OSBPL10: variants seen among roughly 807,000 people sequenced by gnomAD.
OSBPL10 encodes oxysterol binding protein like 10.
Under a neutral mutation model 81.7 loss-of-function variants are expected in OSBPL10, and 49 were observed. The ratio of observed to expected loss-of-function variants is 0.60; its 90% CI spans 0.48 to 0.76. The LOEUF (loss-of-function observed/expected upper bound fraction) is 0.76. Among genes scored for constraint, OSBPL10 ranks in the 30% least tolerant of loss-of-function variants. OSBPL10 has a pLI of 0.00. For missense variants in OSBPL10, 923 were observed against 987.8 expected, an observed-to-expected ratio of 0.93 and a Z score of 0.88; for synonymous variants, 419 against 383.6, an observed-to-expected ratio of 1.09 and a Z score of -1.08.
intron 1 of OSBPL10, among the ~76,000 whole-genome samples, chr3:31,901,920 C>G (rs566852002): frequency 3.3e-5 from 5 of 152,236 alleles, no homozygotes; most frequent in African/African-American, 9.6e-5. Flanking sequence ...GTCCCAGCTA[C>G]TTGGAAGGCT....
At chr3:31,843,664 T>TA (rs1197757585) in intron 3 of OSBPL10, among the ~76,000 whole-genome samples, 14 of 152,286 alleles carry the variant, frequency 9.2e-5, no homozygotes, top group Admixed American at 5.2e-4. Flanking sequence ...ATTCTCTCTA[T>TA]AGGTTAAAGT....
chr3:32,047,463 C>G (rs551834157), intron 1 of OSBPL10, among the ~76,000 whole-genome samples: 1 of 152,238 alleles, frequency 6.6e-6, no homozygotes, highest in Admixed American at 6.5e-5. Context: ...GGGTTCTCCC[C>G]TCTTTAGACC....
At chr3:31,702,587 G>T in intron 6 of OSBPL10, 79 bp from the exon 7 acceptor site, 1 of 1,575,262 alleles carries the variant, frequency 6.3e-7, no homozygotes, top group African/African-American at 1.3e-5. Context: ...CACATGCTTT[G>T]CAATGACAGA....
intron 2 of OSBPL10, among the ~76,000 whole-genome samples, chr3:32,045,649 C>T (rs1699613831): frequency 6.6e-6 from 1 of 152,208 alleles, no homozygotes; most frequent in East Asian, 1.9e-4. Context: ...CTATGCCAGC[C>T]TCTCAAGGCT....
chr3:31,821,758 T>C (rs950850526), intron 4 of OSBPL10, among the ~76,000 whole-genome samples: 3 of 152,206 alleles, frequency 2.0e-5, no homozygotes, highest in African/African-American at 4.8e-5. Context: ...GTAAATTCAC[T>C]TTATACCCTA....
At chr3:31,905,368 T>TTTTTTTTTTTTTG (rs869077578) in intron 1 of OSBPL10, among the ~76,000 whole-genome samples, 1 of 148,192 alleles carries the variant, frequency 6.7e-6, no homozygotes, top group African/African-American at 2.5e-5. Flanking sequence ...TTTTTTTTTT[T>TTTTTTTTTTTTTG]AGACGGACTC....
intron 1 of OSBPL10, among the ~76,000 whole-genome samples, chr3:31,974,693 G>A (rs1383397298): frequency 6.6e-6 from 1 of 152,204 alleles, no homozygotes; most frequent in Non-Finnish European, 1.5e-5. Flanking sequence ...ACTCAGTGGT[G>A]TTGAGGTCAG....
At chr3:31,726,170 G>A (rs1003921438) in intron 6 of OSBPL10, among the ~76,000 whole-genome samples, 5 of 152,086 alleles carry the variant, frequency 3.3e-5, no homozygotes, top group Admixed American at 1.3e-4. Context: ...CTCCACAGCC[G>A]GGGAGGGTGA....
At chr3:31,747,489 A>T (rs976645496) in intron 5 of OSBPL10, among the ~76,000 whole-genome samples, 5 of 121,486 alleles carry the variant, frequency 4.1e-5, no homozygotes, top group African/African-American at 2.2e-4. Flanking sequence ...TCTTCAAATA[A>T]AAAAAAAAAA....
At chr3:32,056,363 T>A (rs1214735927) in intron 1 of OSBPL10, among the ~76,000 whole-genome samples, 3 of 152,246 alleles carry the variant, frequency 2.0e-5, no homozygotes, top group Non-Finnish European at 2.9e-5. Context: ...AGAGACTTCA[T>A]ATCAGCCGGG....
chr3:31,880,570 A>G (rs1695539269), intron 1 of OSBPL10, among the ~76,000 whole-genome samples: 1 of 152,214 alleles, frequency 6.6e-6, no homozygotes, highest in African/African-American at 2.4e-5. Context: ...CTCCACCAGG[A>G]GGGAAATGTC....
At chr3:31,697,563 T>TA (rs1485179292) in intron 7 of OSBPL10, among the ~76,000 whole-genome samples, 2 of 151,824 alleles carry the variant, frequency 1.3e-5, no homozygotes, top group Non-Finnish European at 2.9e-5. Flanking sequence ...AAACAAAAAA[T>TA]AAAAAACAAT....
At chr3:31,758,184 C>T (rs1471840650) in intron 4 of OSBPL10, among the ~76,000 whole-genome samples, 1 of 152,162 alleles carries the variant, frequency 6.6e-6, no homozygotes, top group Non-Finnish European at 1.5e-5. Context: ...AAGCCTGTCA[C>T]CTCTTTGAGA....
In OSBPL10 at chr3:32,060,563, T is replaced by G. The variant is rs2125441858; in HGVS notation, n.186-13960A>C. On this transcript the variant is annotated intron_variant and non_coding_transcript_variant, in intron 1 of 3. Transcript: ENST00000479173. ...TCTCCCAGAGCAATAATATCCCCAC[T>G]CTTCATCTCCAATTGTCTCCAAGCA... is the stretch of plus-strand genomic sequence containing the variant. 6.0e-5 allele frequency among the ~76,000 whole-genome samples: 2 copies of G among 33,296 alleles called. 1 individual carries two copies. The highest frequency in any genetic ancestry group is 3.3e-3 in the South Asian group (2 of 602). The allele number at this position is 33,296 out of a possible 152,430, so 21.8% of individuals were successfully genotyped here.
chr3:31,860,084 C>A (rs893877950), intron 3 of OSBPL10, among the ~76,000 whole-genome samples: 1 of 152,180 alleles, frequency 6.6e-6, no homozygotes, highest in Non-Finnish European at 1.5e-5. Flanking sequence ...ACATTGGAAC[C>A]AGCCCTTCCT....
chr3:31,713,594 G>C (rs911778095), intron 6 of OSBPL10, among the ~76,000 whole-genome samples: 29 of 152,032 alleles, frequency 1.9e-4, no homozygotes, highest in Non-Finnish European at 4.0e-4. Flanking sequence ...ATGGGGATTA[G>C]CCATGTTGCC....
rs765309539 is a variant in OSBPL10, at chr3:31,668,789, G to T, written c.1949C>A (p.Thr650Asn). ...TTCCCCATGGGCTTTACAAACAATG[G>T]TGTTGGTTGGGTTGTGCTTCACTTC... ...TAEVKHNPTN[T>N]IVCKAHGEWN... The change falls in exon 10 of 12, where the codon ACC (threonine) becomes AAC (asparagine). Residue 650 changes from threonine to asparagine, a missense_variant. Thr to Asn is a moderately conservative substitution (Grantham distance 65, BLOSUM62 0). Around this residue, in one of 3 missense-constraint regions of OSBPL10, gnomAD observed 387 missense variants for 436.3 expected, o/e 0.89. Coordinates refer to ENST00000396556, the MANE Select transcript of OSBPL10 (RefSeq NM_017784.5). 1 of 1,613,174 alleles carries T rather than the reference G, an allele frequency of 6.2e-7. No homozygotes were observed. The highest frequency in any genetic ancestry group is 8.5e-7 in the Non-Finnish European group (1 of 1,179,434).
intron 2 of OSBPL10, among the ~76,000 whole-genome samples, chr3:31,878,697 G>C (rs1251290561): frequency 2.0e-5 from 3 of 152,058 alleles, no homozygotes; most frequent in Non-Finnish European, 4.4e-5. Context: ...TTCATACTTA[G>C]CTCTTAGTCA....
At chr3:31,887,231 A>G (rs569544980) in intron 1 of OSBPL10, among the ~76,000 whole-genome samples, 70 of 152,318 alleles carry the variant, frequency 4.6e-4, no homozygotes, top group Admixed American at 1.5e-3. Flanking sequence ...TCTGAGATCA[A>G]CAAGTACCTT....
Sources: allele counts gnomAD v4.1 joint callset (sites outside exome capture counted in the v4.1 genomes callset), GRCh38; gene constraint gnomAD v4.1.1; regional missense constraint gnomAD v4.1.1; transcripts MANE v1.5; gene names NCBI Gene and HGNC (gene_info 2026-07-23, HGNC 2026-07-21).